Variants in PTPRN2 observed in about 807,000 individuals in gnomAD.
PTPRN2 encodes the protein protein tyrosine phosphatase receptor type N2.
A neutral mutation model predicts 118.8 loss-of-function variants in PTPRN2; 74 were observed. That is an observed-to-expected ratio of 0.62 (90% CI 0.52 to 0.76). The LOEUF is 0.76. Among genes scored for constraint, PTPRN2 ranks in the 30% least tolerant of loss-of-function variants. The pLI, the probability that PTPRN2 is intolerant of heterozygous loss-of-function variation, is 0.00. For synonymous variants in PTPRN2, 641 were observed against 608.0 expected, an observed-to-expected ratio of 1.05 and a Z score of -0.80; for missense variants, 1,481 against 1,394.4, an observed-to-expected ratio of 1.06 and a Z score of -0.99.
At chr7:158,053,010 C>T (rs554559417) in intron 11 of PTPRN2, among the ~76,000 whole-genome samples, 1 of 152,202 alleles carries the variant, frequency 6.6e-6, no homozygotes, top group Non-Finnish European at 1.5e-5. Context: ...CCCAGGCTGG[C>T]CCCCATCGAT....
Position 158,129,531 on chromosome 7 carries a change from A to T in PTPRN2, c.1556+4146T>A, listed in dbSNP as rs1370834591. 2.0e-5 allele frequency among the ~76,000 whole-genome samples: 3 copies of T among 151,530 alleles called. No individual in the cohort carries two copies. The East Asian group carries it at 5.9e-4, about 30-fold the overall frequency. ...ACATACTACACACCACACATACAAC[A>T]CACACTACACACAACACACATGCAA... is the stretch of plus-strand genomic sequence containing the variant. On this transcript the variant is annotated intron_variant, in intron 9 of 22. Transcript: ENST00000389418.
In PTPRN2 at chr7:157,627,463, T is replaced by C. The variant is rs536380065; in HGVS notation, c.2197-5954A>G. Among the ~76,000 whole-genome samples the C allele has an allele frequency of 1.3e-5, 2 of 152,262 alleles. No homozygotes were observed. The highest frequency in any genetic ancestry group is 4.1e-4 in the South Asian group (2 of 4,820). The stretch of plus-strand genomic sequence containing the variant: ...GAATCTCAGTCGATGCAGGCTGAAG[T>C]GCTTAGGGAAGTTGGAGTTGCTGTC... On this transcript the variant is annotated intron_variant, in intron 14 of 22. Coordinates refer to ENST00000389418, the MANE Select transcript of PTPRN2 (RefSeq NM_002847.5). The surrounding 1 kb of genome is among the most constrained non-coding windows in gnomAD (Gnocchi z 4.2).
intron 2 of PTPRN2, among the ~76,000 whole-genome samples, chr7:158,445,805 T>C (rs1036188197): frequency 6.6e-6 from 1 of 152,150 alleles, no homozygotes; most frequent in Non-Finnish European, 1.5e-5. Context: ...CCTCCTCCTG[T>C]CCCCGTGAGC....
At chr7:157,732,250 C>T (rs1482070867) in intron 12 of PTPRN2, among the ~76,000 whole-genome samples, 3 of 43,186 alleles carry the variant, frequency 6.9e-5, no homozygotes, top group Non-Finnish European at 9.7e-5. Context: ...GCACAGTTAC[C>T]CTTTCCCGTC....
At chr7:158,207,705 C>T (rs1827266851) in intron 3 of PTPRN2, among the ~76,000 whole-genome samples, 2 of 152,148 alleles carry the variant, frequency 1.3e-5, no homozygotes. Context: ...TTAGCGACTA[C>T]AATAAATACC....
chr7:158,096,443 T>C, intron 10 of PTPRN2, among the ~76,000 whole-genome samples: 1 of 152,224 alleles, frequency 6.6e-6, no homozygotes, highest in East Asian at 1.9e-4. Context: ...AACACAAATA[T>C]CTTTAATCAA....
intron 1 of PTPRN2, among the ~76,000 whole-genome samples, chr7:158,499,610 A>G (rs563260312): frequency 3.3e-5 from 5 of 152,228 alleles, no homozygotes; most frequent in African/African-American, 1.2e-4. Context: ...GTCTCTACTA[A>G]AAAATACAAA....
intron 12 of PTPRN2, among the ~76,000 whole-genome samples, chr7:157,719,646 A>G (rs1302869021): frequency 6.6e-6 from 1 of 152,180 alleles, no homozygotes; most frequent in Non-Finnish European, 1.5e-5. Flanking sequence ...GCAGGGCCAG[A>G]CCATCAGCAG....
At chr7:158,273,871 CGAGGAGCCGCAGACGCAG>C (rs1798732774) in intron 3 of PTPRN2, among the ~76,000 whole-genome samples, 1 of 115,498 alleles carries the variant, frequency 8.7e-6, no homozygotes, top group African/African-American at 3.7e-5. Context: ...AGGAGACACA[CGAGGAGCCGCAGACGCAG>C]GAGGAGCCGC....
At chr7:158,220,467 A>C (rs1828275967) in intron 3 of PTPRN2, among the ~76,000 whole-genome samples, 2 of 152,202 alleles carry the variant, frequency 1.3e-5, no homozygotes, top group Admixed American at 1.3e-4. Flanking sequence ...ACTTCAGTAA[A>C]GTTTCAGGAA....
intron 21 of PTPRN2, among the ~76,000 whole-genome samples, chr7:157,564,859 T>G (rs1799402581): frequency 6.6e-6 from 1 of 152,140 alleles, no homozygotes; most frequent in Non-Finnish European, 1.5e-5. Flanking sequence ...ACATCCACAT[T>G]CACAGCAGGA....
Position 157,767,739 on chromosome 7 carries a change from T to G in PTPRN2, c.1789-84802A>C, listed in dbSNP as rs771739640. Among the ~76,000 whole-genome samples the G allele has an allele frequency of 2.6e-5, 4 of 152,292 alleles. No homozygotes were observed. The East Asian group carries it at 5.8e-4, about 22-fold the overall frequency. On this transcript the variant is annotated intron_variant, in intron 12 of 22. Transcript: ENST00000389418. ...CTGCTCCTCTTAGAAACGCTGTGTG[T>G]GTGTGGAGGCGGTGGGAACCAGTGG... is the stretch of plus-strand genomic sequence containing the variant.
intron 11 of PTPRN2, among the ~76,000 whole-genome samples, chr7:158,013,109 G>A (rs1303073389): frequency 6.6e-6 from 1 of 152,136 alleles, no homozygotes; most frequent in Non-Finnish European, 1.5e-5. Flanking sequence ...AGAATCTGAA[G>A]GAAAATCAAC....
intron 10 of PTPRN2, among the ~76,000 whole-genome samples, chr7:158,109,830 G>A (rs541409767): frequency 2.7e-5 from 4 of 150,572 alleles, no homozygotes; most frequent in East Asian, 2.0e-4. Context: ...GATGTCACCC[G>A]TGTAAAGAGT....
chr7:157,864,414 C>T (rs1021540576), intron 12 of PTPRN2: 5 of 152,256 alleles, frequency 3.3e-5, no homozygotes, highest in Non-Finnish European at 7.3e-5. Context: ...TGGGGATGGG[C>T]TGTATTAGGC....
chr7:158,071,728 T>TTGTGGTGATGGAGGTG (rs1811808490), intron 11 of PTPRN2, among the ~76,000 whole-genome samples: 2 of 134,424 alleles, frequency 1.5e-5, no homozygotes, highest in Non-Finnish European at 3.1e-5. Context: ...GTGGAGGTGC[T>TTGTGGTGATGGAGGTG]CGTGGTGGTG....
At chr7:157,800,803 C>T (rs189725179) in intron 12 of PTPRN2, among the ~76,000 whole-genome samples, 1 of 151,694 alleles carries the variant, frequency 6.6e-6, no homozygotes. Flanking sequence ...ATACAAAAAA[C>T]CAGCCGGGTG....
chr7:157,701,644 G>A (rs570364073), intron 12 of PTPRN2, among the ~76,000 whole-genome samples: 2 of 152,322 alleles, frequency 1.3e-5, no homozygotes, highest in African/African-American at 4.8e-5. Context: ...CCACAGCCAT[G>A]CAGACTTTAT....
At chr7:158,306,662 A>C (rs545615504) in intron 3 of PTPRN2, among the ~76,000 whole-genome samples, 56 of 152,216 alleles carry the variant, frequency 3.7e-4, no homozygotes, top group East Asian at 1.4e-3. Context: ...AACAACAACA[A>C]CACCTAAGGA....
Sources: allele counts gnomAD v4.1 joint callset (sites outside exome capture counted in the v4.1 genomes callset), GRCh38; gene constraint gnomAD v4.1.1; non-coding constraint Gnocchi (gnomAD v3.1); transcripts MANE v1.5; gene names NCBI Gene and HGNC (gene_info 2026-07-23, HGNC 2026-07-21).